ETS2: variants seen among roughly 807,000 people sequenced by gnomAD.
The protein encoded by ETS2 is ETS proto-oncogene 2, transcription factor, also known as protein C-ets-2.
In ETS2, 19 loss-of-function variants were observed where a neutral mutation model predicts 54.9. The observed-to-expected ratio is 0.35, with a 90% confidence interval of 0.24 to 0.51. ETS2 has a LOEUF of 0.51. Among genes scored for constraint, ETS2 ranks in the 20% least tolerant of loss-of-function variants. The pLI is 0.97. For synonymous variants in ETS2, 219 were observed against 229.3 expected (o/e 0.95, Z 0.41); for missense variants, 417 against 593.0 (o/e 0.70, Z 3.08).
chr21:38,822,223 C>T (rs2060961162), intron 9 of ETS2, among the ~76,000 whole-genome samples: 1 of 152,184 alleles, frequency 6.6e-6, no homozygotes, highest in Non-Finnish European at 1.5e-5. Flanking sequence ...CACTGGGGAG[C>T]GTAATCTGTC....
At position 38,824,915 on chromosome 21, in the gene ETS2, GC is replaced by G. The variant is rs1324021278; in HGVS notation, c.*2028del. 6.6e-6 allele frequency: 1 copy of G among 152,508 alleles called. No individual in the cohort carries two copies. The allele number at this position is 152,508 out of a possible 1,614,324, so 9.4% of individuals were successfully genotyped here. A position where few individuals can be genotyped will look rare whatever the true frequency, so the allele number is the denominator to read the frequency against. On this transcript the variant is annotated 3_prime_UTR_variant, in exon 10 of 10. Transcript: ENST00000360938. Reference sequence around the variant, plus strand: ...TTAAGTATAAAAATTTTGTAATTGGGCCTTTACTCTCTCAATAATAAAGTAT... The same window carrying G: ...TTAAGTATAAAAATTTTGTAATTGGGCTTTACTCTCTCAATAATAAAGTAT...
At chr21:38,819,973 A>G (rs2060951367) in intron 8 of ETS2, among the ~76,000 whole-genome samples, 1 of 152,226 alleles carries the variant, frequency 6.6e-6, no homozygotes, top group South Asian at 2.1e-4. Flanking sequence ...ACAGAGCTCC[A>G]TGGAATGAGT....
At position 38,819,489 on chromosome 21, in the gene ETS2, G is replaced by A; in HGVS notation, c.812-14G>A. On this transcript the variant is annotated splice_polypyrimidine_tract_variant and intron_variant, in intron 7 of 9. Transcript: ENST00000360938. ...CTGGAGGAATCAAAGTATGTGTTTG[G>A]TTGTCTTTGCCAGGGACTCCCAAAG... is the stretch of plus-strand genomic sequence containing the variant. The A allele has an allele frequency of 6.2e-7, 1 of 1,613,072 alleles. No individual in the cohort carries two copies. Among genetic ancestry groups the A allele is most frequent in the Non-Finnish European group, 8.5e-7 (1 of 1,179,116 alleles).
chr21:38,805,864 T>C (rs2123401172), upstream of ETS2: 4 of 1,146,054 alleles, frequency 3.5e-6, no homozygotes, highest in Admixed American at 3.8e-5. The surrounding 1 kb of genome is among the most constrained non-coding windows in gnomAD (Gnocchi z 5.2). Flanking sequence ...CGGCCGTCCC[T>C]CCTTCCTCCT....
chr21:38,805,419 C>T (rs891377825), upstream of ETS2: 1 of 1,288,724 alleles, frequency 7.8e-7, no homozygotes, highest in Non-Finnish European at 1.0e-6. The surrounding 1 kb of genome is among the most constrained non-coding windows in gnomAD (Gnocchi z 5.2). Context: ...CACCACTGCT[C>T]CGTCGCTGCG....
At position 38,821,571 on chromosome 21, in the gene ETS2, T is replaced by C. The variant is rs1569026718; in HGVS notation, c.1076-15T>C. Reference sequence around the variant, plus strand: ...TGTGAAAGGGTATGATCCGTCTCCCTCCCTCTCCCCGCAGGAAGTGGACCT... The same window carrying C: ...TGTGAAAGGGTATGATCCGTCTCCCCCCCTCTCCCCGCAGGAAGTGGACCT... On this transcript the variant is annotated splice_polypyrimidine_tract_variant and intron_variant, in intron 8 of 9. Transcript: ENST00000360938. The surrounding 1 kb of genome is among the most constrained non-coding windows in gnomAD (Gnocchi z 4.2). 6.5e-7 allele frequency: 1 copy of C among 1,550,336 alleles called. No homozygotes were observed. The highest frequency in any genetic ancestry group is 2.2e-5 in the East Asian group (1 of 44,622).
In ETS2 at chr21:38,814,729, C is replaced by A; in HGVS notation, c.305-52C>A. ...ATTAGGGATGACAGTGGTCTCACTA[C>A]CTTTCCACTGTTTTTACCTCATGTG... On this transcript the variant is annotated intron_variant, in intron 4 of 9. Coordinates refer to ENST00000360938, the MANE Select transcript of ETS2 (RefSeq NM_005239.6). This position sits in a 1 kb window ranked among gnomAD's most constrained non-coding sequence, Gnocchi z 4.2. The A allele has an allele frequency of 1.3e-6, 2 of 1,517,668 alleles. No individual in the cohort carries two copies. Among genetic ancestry groups the A allele is most frequent in the East Asian group, 2.3e-5 (1 of 44,220 alleles). 94.0% of individuals were successfully genotyped at this position (1,517,668 alleles called of 1,614,324 possible). A position where few individuals can be genotyped will look rare whatever the true frequency, so the allele number is the denominator to read the frequency against.
chr21:38,818,017 T>A (rs552861842), intron 6 of ETS2, among the ~76,000 whole-genome samples: 2 of 152,002 alleles, frequency 1.3e-5, no homozygotes, highest in Non-Finnish European at 2.9e-5. Flanking sequence ...GAAAGCAGAG[T>A]GGGCTGTGCC....
intron 6 of ETS2, among the ~76,000 whole-genome samples, chr21:38,817,326 T>C (rs908820309): frequency 2.0e-5 from 3 of 152,254 alleles, no homozygotes; most frequent in Non-Finnish European, 4.4e-5. Flanking sequence ...ACAGAGAATA[T>C]AAAATGTCTC....
upstream of ETS2, chr21:38,805,911 C>T: frequency 8.1e-7 from 1 of 1,239,064 alleles, no homozygotes; most frequent in African/African-American, 1.6e-5. This position sits in a 1 kb window ranked among gnomAD's most constrained non-coding sequence, Gnocchi z 5.2. Context: ...GAAGAGCGCG[C>T]CGCGTGGGGG....
In ETS2 at chr21:38,814,084, T is replaced by A. The variant is rs2060923485; in HGVS notation, c.185-189T>A. Among the ~76,000 whole-genome samples the A allele has an allele frequency of 6.6e-6, 1 of 152,220 alleles. No individual in the cohort carries two copies. The highest frequency in any genetic ancestry group is 1.5e-5 in the Non-Finnish European group (1 of 68,044). The stretch of plus-strand genomic sequence containing the variant: ...TTTTAGATTTTTTTAATAAGTATAG[T>A]TCTGAGATATATATTTTCTCAATTA... On this transcript the variant is annotated intron_variant, in intron 3 of 9. Coordinates refer to ENST00000360938, the MANE Select transcript of ETS2 (RefSeq NM_005239.6). The surrounding 1 kb of genome is among the most constrained non-coding windows in gnomAD (Gnocchi z 4.2).
chr21:38,814,052 A>G lies in ETS2; in HGVS notation c.185-221A>G, dbSNP rs1457473023. Among the ~76,000 whole-genome samples, 1 of 152,170 alleles carries G rather than the reference A, an allele frequency of 6.6e-6. No individual in the cohort carries two copies. The highest frequency in any genetic ancestry group is 1.5e-5 in the Non-Finnish European group (1 of 68,038). ...GCTTTGCAAAATAGAATCAAATCTG[A>G]GTTTTATTTTAGATTTTTTTAATAA... On this transcript the variant is annotated intron_variant, in intron 3 of 9. Transcript: ENST00000360938. This position sits in a 1 kb window ranked among gnomAD's most constrained non-coding sequence, Gnocchi z 4.2.
intron 9 of ETS2, 106 bp from the exon 10 acceptor site, chr21:38,822,568 T>C: frequency 1.0e-6 from 1 of 1,003,202 alleles, no homozygotes; most frequent in Non-Finnish European, 1.5e-6. Context: ...TGTCAAGTTC[T>C]CTCTAGAGTG....
At chr21:38,819,790 T>C (rs767577613) in intron 8 of ETS2, 24 bp downstream of exon 8, 46 of 1,601,176 alleles carry the variant, frequency 2.9e-5, no homozygotes, top group Non-Finnish European at 3.8e-5. Context: ...TCCGAGAGCC[T>C]GGCCGCCCAG....
chr21:38,812,906 G>C, intron 2 of ETS2, 97 bp from the exon 3 acceptor site: 2 of 787,094 alleles, frequency 2.5e-6, no homozygotes, highest in Admixed American at 2.0e-5. Flanking sequence ...GTTTAATCAG[G>C]GACTATTGGT....
chr21:38,814,832 C>T lies in ETS2; in HGVS notation c.356C>T (p.Thr119Ile). Residue 119 changes from threonine to isoleucine, a missense_variant, in exon 5 of 10, where the codon ACC becomes ATC. Physicochemically the swap from Thr to Ile is moderately conservative, Grantham distance 89. Coordinates refer to ENST00000360938, the MANE Select transcript of ETS2 (RefSeq NM_005239.6). The surrounding 1 kb of genome is among the most constrained non-coding windows in gnomAD (Gnocchi z 4.2). Reference protein sequence around the residue: ...QQVCQWLLWATNEFSLVNVNL... With the variant: ...QQVCQWLLWAINEFSLVNVNL... ...GTATGCCAGTGGCTTCTCTGGGCCA[C>T]CAATGAGTTCAGTCTGGTGAACGTG... is the stretch of plus-strand genomic sequence containing the variant. The T allele has an allele frequency of 1.2e-6, 2 of 1,614,190 alleles. No individual in the cohort carries two copies. The highest frequency in any genetic ancestry group is 1.1e-5 in the South Asian group (1 of 91,074).
chr21:38,813,144 T>G (rs769765791), intron 3 of ETS2, 30 bp downstream of exon 3: 1 of 1,382,998 alleles, frequency 7.2e-7, no homozygotes, highest in South Asian at 1.2e-5. Context: ...TGACAAATTG[T>G]GCATGATTTT....
chr21:38,811,232 C>T (rs2060912670), intron 2 of ETS2, among the ~76,000 whole-genome samples: 2 of 151,560 alleles, frequency 1.3e-5, no homozygotes, highest in South Asian at 4.2e-4. Context: ...ATTTCTTAGT[C>T]ACCTGGGCAA....
chr21:38,813,375 T>A (rs1232663688), intron 3 of ETS2, among the ~76,000 whole-genome samples: 1 of 152,190 alleles, frequency 6.6e-6, no homozygotes, highest in African/African-American at 2.4e-5. Flanking sequence ...GAGCTGCCCC[T>A]CCTGGATGTT....
Sources: allele counts gnomAD v4.1 joint callset (sites outside exome capture counted in the v4.1 genomes callset), GRCh38; gene constraint gnomAD v4.1.1; non-coding constraint Gnocchi (gnomAD v3.1); transcripts MANE v1.5; gene names NCBI Gene and HGNC (gene_info 2026-07-23, HGNC 2026-07-21).